PTH1R: variants seen among roughly 807,000 people sequenced by gnomAD.
PTH1R encodes the protein parathyroid hormone 1 receptor.
PTH1R carries 32 observed loss-of-function variants against 70.7 expected under a neutral mutation model. The ratio of observed to expected loss-of-function variants is 0.45; its 90% CI spans 0.34 to 0.61. The LOEUF (loss-of-function observed/expected upper bound fraction) is 0.61. PTH1R is among the 20% of genes least tolerant of loss of function. PTH1R has a pLI of 0.01. For missense variants in PTH1R, 626 were observed against 792.5 expected (o/e 0.79, Z 2.52); for synonymous variants, 329 against 324.8 (o/e 1.01, Z -0.14).
Position 46,884,124 on chromosome 3 carries a change from A to C in PTH1R, c.75+490A>C, listed in dbSNP as rs1200591464. Among the ~76,000 whole-genome samples, 1 of 152,194 alleles carries C rather than the reference A, an allele frequency of 6.6e-6. No individual in the cohort carries two copies. The highest frequency in any genetic ancestry group is 1.5e-5 in the Non-Finnish European group (1 of 68,026). On this transcript the variant is annotated intron_variant, in intron 3 of 15. Coordinates refer to ENST00000449590, the MANE Select transcript of PTH1R (RefSeq NM_000316.3). The surrounding 1 kb of genome is among the most constrained non-coding windows in gnomAD (Gnocchi z 4.8). ...CTCCAGCCCTCACACACACACATGC[A>C]CACGTCTGGCTTCACCCAGGGTAGA... is the stretch of plus-strand genomic sequence containing the variant.
intron 2 of PTH1R, chr3:46,881,944 G>C (rs967979234): frequency 3.9e-5 from 6 of 152,028 alleles, no homozygotes; most frequent in African/African-American, 1.5e-4. Context: ...AGCGGGGGCC[G>C]GATGATCAAG....
Position 46,892,625 on chromosome 3 carries a change from C to G in PTH1R, c.76-1282C>G. 1 of 518,090 alleles carries G rather than the reference C, an allele frequency of 1.9e-6. No individual in the cohort carries two copies. Among genetic ancestry groups the G allele is most frequent in the Non-Finnish European group, 2.5e-6 (1 of 400,984 alleles). 32.1% of individuals were successfully genotyped at this position (518,090 alleles called of 1,614,324 possible). A position where few individuals can be genotyped will look rare whatever the true frequency, so the allele number is the denominator to read the frequency against. ...CAATTAACTTCTCCCTGCAGCCAGGCTCTCTGACCCGGCCTGCCCGCCCCT... is the reference window on the plus strand; with the variant it reads ...CAATTAACTTCTCCCTGCAGCCAGGGTCTCTGACCCGGCCTGCCCGCCCCT... On this transcript the variant is annotated intron_variant, in intron 3 of 15. Coordinates refer to ENST00000449590, the MANE Select transcript of PTH1R (RefSeq NM_000316.3). The surrounding 1 kb of genome is among the most constrained non-coding windows in gnomAD (Gnocchi z 5.2).
intron 3 of PTH1R, among the ~76,000 whole-genome samples, chr3:46,890,439 T>C (rs997039282): frequency 2.6e-5 from 4 of 151,014 alleles, no homozygotes; most frequent in African/African-American, 9.7e-5. Flanking sequence ...CAGCTTTTCC[T>C]GAGCTTCACC....
Position 46,902,621 on chromosome 3 carries a change from T to G in PTH1R, c.1307T>G (p.Leu436Arg). 6.2e-7 allele frequency: 1 copy of G among 1,614,030 alleles called. No individual in the cohort carries two copies. The highest frequency in any genetic ancestry group is 8.5e-7 in the Non-Finnish European group (1 of 1,180,026). ...CCATACACCGAGGTCTCAGGGACGC[T>G]CTGGCAAGTCCAGATGCACTATGAG... is the stretch of plus-strand genomic sequence containing the variant. ...ATPYTEVSGT[L>R]WQVQMHYEML... Residue 436 changes from leucine to arginine, a missense_variant, in exon 14 of 16, where the codon CTC becomes CGC. Transcript: ENST00000449590. The surrounding 1 kb of genome is among the most constrained non-coding windows in gnomAD (Gnocchi z 5.4).
At chr3:46,890,071 C>T (rs904667989) in intron 3 of PTH1R, among the ~76,000 whole-genome samples, 1 of 152,148 alleles carries the variant, frequency 6.6e-6, no homozygotes, top group Non-Finnish European at 1.5e-5. Flanking sequence ...GGTCCTTTTT[C>T]CTCCTAAGCT....
intron 3 of PTH1R, among the ~76,000 whole-genome samples, chr3:46,887,855 C>T (rs919096076): frequency 6.6e-6 from 1 of 152,144 alleles, no homozygotes; most frequent in East Asian, 1.9e-4. Flanking sequence ...TAGATCATTT[C>T]TGCATAATTT....
chr3:46,893,254 A>C lies in PTH1R; in HGVS notation c.76-653A>C, dbSNP rs2031538322. Among the ~76,000 whole-genome samples, 2 of 152,102 alleles carry C rather than the reference A, an allele frequency of 1.3e-5. No homozygotes were observed. The highest frequency in any genetic ancestry group is 2.4e-5 in the African/African-American group (1 of 41,388). ...GAGCTCCCAGATAAGCAGTGGAATGAGAGGGACTCCCACCCCCAGCCAGCA... is the reference window on the plus strand; with the variant it reads ...GAGCTCCCAGATAAGCAGTGGAATGCGAGGGACTCCCACCCCCAGCCAGCA... On this transcript the variant is annotated intron_variant, in intron 3 of 15. Transcript: ENST00000449590. This position sits in a 1 kb window ranked among gnomAD's most constrained non-coding sequence, Gnocchi z 5.2.
chr3:46,892,615 T>G lies in PTH1R; in HGVS notation c.76-1292T>G. On this transcript the variant is annotated intron_variant, in intron 3 of 15. Transcript: ENST00000449590. This position sits in a 1 kb window ranked among gnomAD's most constrained non-coding sequence, Gnocchi z 5.2. ...GAGACGCGGTCAATTAACTTCTCCC[T>G]GCAGCCAGGCTCTCTGACCCGGCCT... 1 of 434,676 alleles carries G rather than the reference T, an allele frequency of 2.3e-6. No homozygotes were observed. The highest frequency in any genetic ancestry group is 3.1e-6 in the Non-Finnish European group (1 of 324,484). 26.9% of individuals were successfully genotyped at this position (434,676 alleles called of 1,614,324 possible).
chr3:46,899,180 T>G (rs1368979331), intron 9 of PTH1R, 123 bp from the exon 10 acceptor site: 3 of 1,339,372 alleles, frequency 2.2e-6, no homozygotes, highest in Non-Finnish European at 3.2e-6. Context: ...AAACGAAGCC[T>G]GCCCCTTCCT....
chr3:46,881,482 G>A (rs1010851737), intron 2 of PTH1R, among the ~76,000 whole-genome samples: 1 of 152,152 alleles, frequency 6.6e-6, no homozygotes, highest in Non-Finnish European at 1.5e-5. Context: ...GAGAGTGGGT[G>A]TCTGGATTGA....
At chr3:46,878,521 C>T (rs1036630323) in intron 1 of PTH1R, among the ~76,000 whole-genome samples, 1 of 152,198 alleles carries the variant, frequency 6.6e-6, no homozygotes, top group African/African-American at 2.4e-5. Context: ...TGCAGCCTGA[C>T]TTTGGGGCTA....
rs780808727 is a variant in PTH1R at position 46,899,398 on chromosome 3, C to T, written c.930C>T (p.Ile310=). Residue 310 remains isoleucine, a synonymous_variant, in exon 10 of 16, where the codon ATC becomes ATT. Transcript: ENST00000449590. The part of the protein sequence containing the change: ...LVEGLYLHSL[I]FMAFFSEKKY... ...AGGGGCTGTACCTGCACAGCCTCAT[C>T]TTCATGGCCTTCTTCTCAGAGAAGA... 1.2e-6 allele frequency: 2 copies of T among 1,613,884 alleles called. No individual in the cohort carries two copies. The highest frequency in any genetic ancestry group is 1.7e-6 in the Non-Finnish European group (2 of 1,180,030).
In PTH1R at chr3:46,882,110, G is replaced by GCGC. The variant is rs913537467; in HGVS notation, c.-49+993_-49+995dup. The GCGC allele has an allele frequency of 2.6e-5, 4 of 151,662 alleles. No homozygotes were observed. Among genetic ancestry groups the GCGC allele is most frequent in the African/African-American group, 9.7e-5 (4 of 41,280 alleles). The allele number at this position is 151,662 out of a possible 1,614,324, so 9.4% of individuals were successfully genotyped here. On this transcript the variant is annotated intron_variant, in intron 2 of 15. Transcript: ENST00000449590. This position sits in a 1 kb window ranked among gnomAD's most constrained non-coding sequence, Gnocchi z 4.3. ...GTAAGACTCCGGGCCTCGGCCTCTA[G>GCGC]CGCAATGTCCCGGGGCGGGGGGCGG...
chr3:46,894,663 C>T (rs2031632491), intron 4 of PTH1R, among the ~76,000 whole-genome samples: 1 of 152,130 alleles, frequency 6.6e-6, no homozygotes, highest in South Asian at 2.1e-4. Context: ...CTGCTACCCA[C>T]ATCCCCACAC....
chr3:46,885,280 G>T (rs758943524), intron 3 of PTH1R, among the ~76,000 whole-genome samples: 9 of 152,144 alleles, frequency 5.9e-5, no homozygotes, highest in Non-Finnish European at 1.3e-4. Context: ...AGGCGCAGTT[G>T]TGTGTGTTTG....
At chr3:46,899,949 C>T (rs985771011) in intron 10 of PTH1R, among the ~76,000 whole-genome samples, 4 of 152,240 alleles carry the variant, frequency 2.6e-5, no homozygotes, top group Non-Finnish European at 5.9e-5. Flanking sequence ...ACCTCAGCAT[C>T]ACCTGAGCTT....
rs778598041 is a variant in PTH1R, at chr3:46,879,078, T to C, written c.-106+1235T>C. 2.0e-5 allele frequency among the ~76,000 whole-genome samples: 3 copies of C among 152,166 alleles called. No individual in the cohort carries two copies. The highest frequency in any genetic ancestry group is 4.4e-5 in the Non-Finnish European group (3 of 68,030). On this transcript the variant is annotated intron_variant, in intron 1 of 15. Coordinates refer to ENST00000449590, the MANE Select transcript of PTH1R (RefSeq NM_000316.3). The surrounding 1 kb of genome is among the most constrained non-coding windows in gnomAD (Gnocchi z 4.7). ...CACCCCCACCCTCATGGTAGCACTTTAACCAGAGGCCCGAGGGTGAGAGAG... is the reference window on the plus strand; with the variant it reads ...CACCCCCACCCTCATGGTAGCACTTCAACCAGAGGCCCGAGGGTGAGAGAG...
intron 3 of PTH1R, among the ~76,000 whole-genome samples, chr3:46,885,167 T>C (rs1267427521): frequency 4.6e-5 from 7 of 151,810 alleles, no homozygotes; most frequent in Non-Finnish European, 1.0e-4. Flanking sequence ...CAGAGCAGGG[T>C]TCTGTGGGAC....
rs1227482086 is a variant in PTH1R at position 46,883,287 on chromosome 3, C to CCCGCCCG, written c.-48-215_-48-209dup. 62 of 279,778 alleles carry CCCGCCCG rather than the reference C, an allele frequency of 2.2e-4. No individual in the cohort carries two copies. Among genetic ancestry groups the CCCGCCCG allele is most frequent in the African/African-American group, 1.3e-3 (59 of 44,850 alleles). The allele number at this position is 279,778 out of a possible 1,614,324, so 17.3% of individuals were successfully genotyped here. On this transcript the variant is annotated intron_variant, in intron 2 of 15. Transcript: ENST00000449590. The surrounding 1 kb of genome is among the most constrained non-coding windows in gnomAD (Gnocchi z 6.4). ...ACGGGCCGCTCCGCAGCGCTCGGCG[C>CCCGCCCG]CCGCCCGCCGCCCGCCCGGCCTCCG...
Sources: allele counts gnomAD v4.1 joint callset (sites outside exome capture counted in the v4.1 genomes callset), GRCh38; gene constraint gnomAD v4.1.1; non-coding constraint Gnocchi (gnomAD v3.1); transcripts MANE v1.5; gene names NCBI Gene and HGNC (gene_info 2026-07-23, HGNC 2026-07-21).